PCDHA8: variants seen among roughly 807,000 people sequenced by gnomAD.
PCDHA8 encodes the protein protocadherin alpha 8, also known as protocadherin alpha-8.
Under a neutral mutation model 61.8 loss-of-function variants are expected in PCDHA8, and 53 were observed. The observed-to-expected ratio is 0.86, with a 90% confidence interval of 0.69 to 1.08. The LOEUF is 1.08. Among genes scored for constraint, PCDHA8 ranks in the 50% least tolerant of loss-of-function variants. The pLI is 0.00. For missense variants in PCDHA8, 1,293 were observed against 1,245.0 expected (o/e 1.04, Z -0.58); for synonymous variants, 618 against 556.6 (o/e 1.11, Z -1.55).
At chr5:140,969,592 A>G (rs547411191) in intron 1 of PCDHA8, 72 of 829,536 alleles carry the variant, frequency 8.7e-5, no homozygotes, top group Middle Eastern at 3.7e-4. Context: ...TAGTCTTAAT[A>G]TTTAATGCTA....
rs782116961 is a variant in PCDHA8, at chr5:140,966,933, C to T, written c.2395-12016C>T. On this transcript the variant is annotated intron_variant, in intron 1 of 3. Transcript: ENST00000531613. ...GTGCCAGAGGAGCAGGCACCCGGCGCGCTCGTGGGCAACGTGGCTCGCGCG... is the reference window on the plus strand; with the variant it reads ...GTGCCAGAGGAGCAGGCACCCGGCGTGCTCGTGGGCAACGTGGCTCGCGCG... 2.5e-6 allele frequency: 4 copies of T among 1,603,904 alleles called. No individual in the cohort carries two copies. The highest frequency in any genetic ancestry group is 1.1e-5 in the South Asian group (1 of 90,778).
intron 1 of PCDHA8, among the ~76,000 whole-genome samples, chr5:140,892,705 T>C (rs1395351366): frequency 6.6e-6 from 1 of 152,210 alleles, no homozygotes; most frequent in Non-Finnish European, 1.5e-5. Flanking sequence ...TCAGGGTAAT[T>C]AGCATATTCA....
Position 140,858,184 on chromosome 5 carries a change from G to T in PCDHA8, c.2394+14469G>T, listed in dbSNP as rs782618700. The T allele has an allele frequency of 3.1e-6, 5 of 1,597,468 alleles. 1 individual carries two copies. In the South Asian group the frequency reaches 4.4e-5, roughly 14 times the overall value. Reference sequence around the variant, plus strand: ...CGGTGTCCAGCTTGCTGGTGCTCACGCTGCTGCTGTACACTGCACTGAGGT... The same window carrying T: ...CGGTGTCCAGCTTGCTGGTGCTCACTCTGCTGCTGTACACTGCACTGAGGT... On this transcript the variant is annotated intron_variant, in intron 1 of 3. Transcript: ENST00000531613.
rs2150499479 is a variant in PCDHA8 at position 140,850,817 on chromosome 5, G to A, written c.2394+7102G>A. 3 of 1,598,296 alleles carry A rather than the reference G, an allele frequency of 1.9e-6. 1 individual carries two copies. The highest frequency in any genetic ancestry group is 2.6e-6 in the Non-Finnish European group (3 of 1,167,646). On this transcript the variant is annotated intron_variant, in intron 1 of 3. Transcript: ENST00000531613. ...AGACCGACCTCATGGCCTTCAGCCC[G>A]GGCCTTTCTCCTTGTGCTGGATCTA... is the stretch of plus-strand genomic sequence containing the variant.
chr5:140,916,733 A>G (rs1242424937), intron 1 of PCDHA8, among the ~76,000 whole-genome samples: 1 of 152,146 alleles, frequency 6.6e-6, no homozygotes, highest in Non-Finnish European at 1.5e-5. Flanking sequence ...TTGTTGCTGC[A>G]AGCTTCACTG....
Position 140,982,684 on chromosome 5 carries a change from T to C in PCDHA8, c.2542+121T>C. Reference sequence around the variant, plus strand: ...TTTTATATTTTTGTTATTCCCTTTTTTCCATACATACATGATTTCCTTACA... The same window carrying C: ...TTTTATATTTTTGTTATTCCCTTTTCTCCATACATACATGATTTCCTTACA... On this transcript the variant is annotated intron_variant, in intron 3 of 3. Transcript: ENST00000531613. The C allele has an allele frequency of 2.8e-6, 4 of 1,425,176 alleles. No individual in the cohort carries two copies. In the South Asian group the frequency reaches 6.0e-5, roughly 21 times the overall value. 88.3% of individuals were successfully genotyped at this position (1,425,176 alleles called of 1,614,324 possible).
chr5:140,876,803 A>G lies in PCDHA8; in HGVS notation c.2394+33088A>G, dbSNP rs201565376. The G allele has an allele frequency of 1.6e-4, 261 of 1,614,140 alleles. 4 individuals are homozygous for G. In the East Asian group the frequency reaches 3.7e-3, roughly 23 times the overall value. On this transcript the variant is annotated intron_variant, in intron 1 of 3. Coordinates refer to ENST00000531613, the MANE Select transcript of PCDHA8 (RefSeq NM_018911.3). ...TGGGCCACGGCTAGAGTGTCCGTGG[A>G]GGTGGCCGACGTGAACGACAATGCG...
chr5:140,901,459 C>G (rs528238941), intron 1 of PCDHA8, among the ~76,000 whole-genome samples: 1 of 152,160 alleles, frequency 6.6e-6, no homozygotes, highest in South Asian at 2.1e-4. Flanking sequence ...CACAGACTGT[C>G]TTTTCTCGAG....
chr5:140,927,481 G>T, intron 1 of PCDHA8: 1 of 1,614,072 alleles, frequency 6.2e-7, no homozygotes, highest in Non-Finnish European at 8.5e-7. Context: ...CGAACAGCGC[G>T]CCACCCACCT....
At chr5:140,934,013 A>G (rs2089566693) in intron 1 of PCDHA8, among the ~76,000 whole-genome samples, 1 of 151,836 alleles carries the variant, frequency 6.6e-6, no homozygotes. Context: ...TTTCTTGACT[A>G]GACTTGGAAG....
chr5:140,869,602 C>T (rs2051279273), intron 1 of PCDHA8: 2 of 1,613,922 alleles, frequency 1.2e-6, no homozygotes, highest in Non-Finnish European at 8.5e-7. Flanking sequence ...AGAGAATGCT[C>T]TATTGACCTA....
rs369053351 is a variant in PCDHA8, at chr5:140,982,539, C to A, written c.2518C>A (p.Pro840Thr). ...AGPGGPDQQW[P>T]TVSSATPEPE... The stretch of plus-strand genomic sequence containing the variant: ...TCCAGGAGGGCCTGATCAGCAGTGG[C>A]CAACAGTATCCAGTGCAACACCAGG... Residue 840 changes from proline (P) to threonine (T), a missense_variant, in exon 3 of 4, where the codon CCA (proline) becomes ACA (threonine). By Grantham distance (38) the Pro-to-Thr change is conservative. Coordinates refer to ENST00000531613, the MANE Select transcript of PCDHA8 (RefSeq NM_018911.3). 29 of 1,614,008 alleles carry A rather than the reference C, an allele frequency of 1.8e-5. No individual in the cohort carries two copies. The highest frequency in any genetic ancestry group is 2.2e-5 in the Non-Finnish European group (26 of 1,180,032).
At chr5:140,857,744 G>T (rs1374937613) in intron 1 of PCDHA8, 1 of 1,597,416 alleles carries the variant, frequency 6.3e-7, no homozygotes, top group Non-Finnish European at 8.6e-7. Context: ...CGCGCTGCTG[G>T]CGTCTCCCGC....
Position 140,876,041 on chromosome 5 carries a change from T to A in PCDHA8, c.2394+32326T>A, listed in dbSNP as rs1554168219. The A allele has an allele frequency of 1.9e-6, 3 of 1,613,848 alleles. No homozygotes were observed. Among genetic ancestry groups the A allele is most frequent in the South Asian group, 2.2e-5 (2 of 91,072 alleles). On this transcript the variant is annotated intron_variant, in intron 1 of 3. Transcript: ENST00000531613. ...ATAAAAACAAAAAAAGATAAAAGTATATTGCCTGAATTAGTTCTTCGGAAG... is the reference window on the plus strand; with the variant it reads ...ATAAAAACAAAAAAAGATAAAAGTAAATTGCCTGAATTAGTTCTTCGGAAG...
rs1229103510 is a variant in PCDHA8, at chr5:140,850,051, C to T, written c.2394+6336C>T. The T allele has an allele frequency of 6.3e-6, 10 of 1,596,302 alleles. 1 individual carries two copies. The highest frequency in any genetic ancestry group is 7.7e-6 in the Non-Finnish European group (9 of 1,167,790). Reference sequence around the variant, plus strand: ...CACGCGGAGAGCGGCAAGGTGTACGCGCTGCAGCCGTTGGACCACGAGGAG... The same window carrying T: ...CACGCGGAGAGCGGCAAGGTGTACGTGCTGCAGCCGTTGGACCACGAGGAG... On this transcript the variant is annotated intron_variant, in intron 1 of 3. Coordinates refer to ENST00000531613, the MANE Select transcript of PCDHA8 (RefSeq NM_018911.3).
intron 1 of PCDHA8, chr5:140,871,263 G>T: frequency 6.2e-7 from 1 of 1,614,010 alleles, no homozygotes; most frequent in South Asian, 1.1e-5. Flanking sequence ...ATACGGCGCT[G>T]TGGTGGTCGG....
In PCDHA8 at chr5:140,895,957, C is replaced by G. The variant is rs186458993; in HGVS notation, c.2394+52242C>G. Among the ~76,000 whole-genome samples, 2 of 152,196 alleles carry G rather than the reference C, an allele frequency of 1.3e-5. 1 individual carries two copies. Among genetic ancestry groups the G allele is most frequent in the Admixed American group, 1.3e-4 (2 of 15,284 alleles). On this transcript the variant is annotated intron_variant, in intron 1 of 3. Transcript: ENST00000531613. Reference sequence around the variant, plus strand: ...TCCCGAGTAGCTGGGATTACAGGTGCCTGTCACCAGGCCTAGCTAATTTTT... The same window carrying G: ...TCCCGAGTAGCTGGGATTACAGGTGGCTGTCACCAGGCCTAGCTAATTTTT...
At chr5:140,927,481 G>A in intron 1 of PCDHA8, 1 of 1,614,072 alleles carries the variant, frequency 6.2e-7, no homozygotes, top group Non-Finnish European at 8.5e-7. Flanking sequence ...CGAACAGCGC[G>A]CCACCCACCT....
Position 140,923,938 on chromosome 5 carries a change from CT to C in PCDHA8, c.2395-55005del, listed in dbSNP as rs1340709876. 2.6e-5 allele frequency among the ~76,000 whole-genome samples: 4 copies of C among 152,122 alleles called. No homozygotes were observed. In the East Asian group the frequency reaches 7.7e-4, roughly 29 times the overall value. On this transcript the variant is annotated intron_variant, in intron 1 of 3. Coordinates refer to ENST00000531613, the MANE Select transcript of PCDHA8 (RefSeq NM_018911.3). ...ATACTGTTCTCTGTATGCATTTTTC[CT>C]TTTTTCCTCACGCCCTAATCTATAC... is the stretch of plus-strand genomic sequence containing the variant.
Sources: allele counts gnomAD v4.1 joint callset (sites outside exome capture counted in the v4.1 genomes callset), GRCh38; gene constraint gnomAD v4.1.1; transcripts MANE v1.5; gene names NCBI Gene and HGNC (gene_info 2026-07-23, HGNC 2026-07-21).